ARVCF: variants seen among roughly 807,000 people sequenced by gnomAD.
The protein encoded by ARVCF is splicing regulator ARVCF.
A neutral mutation model predicts 90.9 loss-of-function variants in ARVCF; 66 were observed. That is an observed-to-expected ratio of 0.73 (90% CI 0.60 to 0.89). The LOEUF (loss-of-function observed/expected upper bound fraction) is 0.89, where lower values mean the gene tolerates loss of function less well. ARVCF is among the 40% of genes least tolerant of loss of function. ARVCF has a pLI of 0.00. For missense variants in ARVCF, 1,469 were observed against 1,382.3 expected (o/e 1.06, Z -1.00); for synonymous variants, 653 against 603.4 (o/e 1.08, Z -1.21).
downstream of ARVCF, chr22:19,967,034 A>C: frequency 8.3e-7 from 1 of 1,204,218 alleles, no homozygotes; most frequent in Non-Finnish European, 1.1e-6. Context: ...GTCGGGCGAC[A>C]GGCAGGACAG....
intron 3 of ARVCF, chr22:19,987,200 CCCCG>C: frequency 2.5e-6 from 1 of 397,502 alleles, no homozygotes; most frequent in Non-Finnish European, 4.5e-6. Context: ...CGGACTCGCT[CCCCG>C]CGGGGGCGGA....
In ARVCF at chr22:19,981,321, C is replaced by T. The variant is rs1348522570; in HGVS notation, c.786G>A (p.Glu262=). 6.2e-6 allele frequency: 10 copies of T among 1,602,646 alleles called. No homozygotes were observed. The highest frequency in any genetic ancestry group is 8.5e-6 in the Non-Finnish European group (10 of 1,175,732). ...ERFQAEPYGL[E]DDTRSLAADD... ...CAGCGGCCAGGCTGCGCGTGTCATC[C>T]TCCAAGCCATACGGCTCTGCCTGGA... The change falls in exon 5 of 20, where the codon GAG becomes GAA. Residue 262 remains glutamate, a synonymous_variant. Coordinates refer to ENST00000263207, the MANE Select transcript of ARVCF (RefSeq NM_001670.3).
At chr22:20,005,885 A>T (rs949701659) in intron 2 of ARVCF, among the ~76,000 whole-genome samples, 11 of 152,202 alleles carry the variant, frequency 7.2e-5, no homozygotes, top group Admixed American at 1.3e-4. Context: ...ATAGCCAAAA[A>T]GGGGAAGCAA....
chr22:19,972,021 G>A (rs753076529), intron 17 of ARVCF, 50 bp from the exon 18 acceptor site: 24 of 1,491,094 alleles, frequency 1.6e-5, no homozygotes, highest in Non-Finnish European at 2.2e-5. Context: ...GGGAGGCCCT[G>A]TAGGAGCAGA....
intron 1 of ARVCF, among the ~76,000 whole-genome samples, chr22:20,014,992 T>A (rs1177229323): frequency 1.3e-5 from 2 of 152,068 alleles, no homozygotes; most frequent in African/African-American, 4.8e-5. Context: ...GGGCCACCTC[T>A]GGAGGGAGTG....
intron 11 of ARVCF, among the ~76,000 whole-genome samples, chr22:19,974,561 G>A (rs1276623817): frequency 6.6e-6 from 1 of 152,104 alleles, no homozygotes; most frequent in Non-Finnish European, 1.5e-5. Flanking sequence ...GTAGGTCCCT[G>A]AAGCTATGCA....
chr22:19,987,058 C>A (rs1206411787), intron 3 of ARVCF: 1 of 654,122 alleles, frequency 1.5e-6, no homozygotes, highest in East Asian at 3.3e-5. Flanking sequence ...CCCCCCAAGC[C>A]AACTTCCCTC....
At position 19,974,290 on chromosome 22, in the gene ARVCF, C is replaced by T. The variant is rs557355440; in HGVS notation, c.1961-51G>A. 151 of 1,538,662 alleles carry T rather than the reference C, an allele frequency of 9.8e-5. 2 individuals are homozygous for T. In the South Asian group the frequency reaches 1.7e-3, roughly 17 times the overall value. On this transcript the variant is annotated intron_variant, in intron 11 of 19. Transcript: ENST00000263207. ...CGGTCACCCAGAATCTGCTCTCATC[C>T]ATCATACCCCTCCCGCTTCCCGCTT...
Position 19,981,191 on chromosome 22 carries a change from G to C in ARVCF, c.896+20C>G. On this transcript the variant is annotated intron_variant, in intron 5 of 19. Coordinates refer to ENST00000263207, the MANE Select transcript of ARVCF (RefSeq NM_001670.3). The stretch of plus-strand genomic sequence containing the variant: ...AGACTTCCCAGAGGAGGTAGCCACA[G>C]GGGACGGGGTGCAGCTCACCTGGTA... 1 of 1,501,392 alleles carries C rather than the reference G, an allele frequency of 6.7e-7. No individual in the cohort carries two copies. The highest frequency in any genetic ancestry group is 8.9e-7 in the Non-Finnish European group (1 of 1,121,398). The allele number at this position is 1,501,392 out of a possible 1,614,324, so 93.0% of individuals were successfully genotyped here.
intron 2 of ARVCF, among the ~76,000 whole-genome samples, chr22:20,007,656 G>A (rs921235377): frequency 2.0e-5 from 3 of 152,176 alleles, no homozygotes; most frequent in Admixed American, 6.5e-5. Flanking sequence ...TTGTTATCTC[G>A]GGAGCAGGTT....
chr22:19,991,519 C>A (rs559493581), intron 2 of ARVCF, among the ~76,000 whole-genome samples: 1 of 152,356 alleles, frequency 6.6e-6, no homozygotes, highest in East Asian at 1.9e-4. Context: ...AGTTAAGAGA[C>A]CATAAGCCTG....
chr22:19,976,193 T>G lies in ARVCF; in HGVS notation c.1889-436A>C, dbSNP rs534348613. Among the ~76,000 whole-genome samples, 4 of 152,172 alleles carry G rather than the reference T, an allele frequency of 2.6e-5. No individual in the cohort carries two copies. In the South Asian group the frequency reaches 6.2e-4, roughly 24 times the overall value. ...TAGGGGGAAACTCCCCCAGCTGGGG[T>G]CAGGACATTGTCCCAGGATCTACTA... On this transcript the variant is annotated intron_variant, in intron 10 of 19. Coordinates refer to ENST00000263207, the MANE Select transcript of ARVCF (RefSeq NM_001670.3).
chr22:20,012,079 T>TCCCCCCCC (rs11405277), intron 1 of ARVCF, among the ~76,000 whole-genome samples: 1 of 117,146 alleles, frequency 8.5e-6, no homozygotes, highest in African/African-American at 3.3e-5. Context: ...CCTCCCAAAG[T>TCCCCCCCC]CCCCCCCCCC....
intron 2 of ARVCF, among the ~76,000 whole-genome samples, chr22:19,992,487 T>C (rs1314651348): frequency 2.6e-5 from 4 of 152,152 alleles, no homozygotes; most frequent in Non-Finnish European, 5.9e-5. Flanking sequence ...CAGGGGAGCC[T>C]TGTGCACTAA....
intron 1 of ARVCF, among the ~76,000 whole-genome samples, chr22:20,014,231 A>T (rs549087962): frequency 2.1e-5 from 3 of 139,698 alleles, no homozygotes; most frequent in African/African-American, 8.1e-5. Flanking sequence ...GTCTCGCTCT[A>T]TCACCCAGGC....
rs1349995481 is a variant in ARVCF, at chr22:20,016,588, C to T, written c.-73+1G>A. ...CACCCCGCCCACTGGCTCAGGCTTA[C>T]CTGGAGCGCAGCGTGGGCGGCCCCG... On this transcript the variant is annotated splice_donor_variant, in intron 1 of 19. Transcript: ENST00000263207. LOFTEE classifies it low-confidence loss of function (5UTR_SPLICE). 1 of 151,752 alleles carries T rather than the reference C, an allele frequency of 6.6e-6. No individual in the cohort carries two copies. Among genetic ancestry groups the T allele is most frequent in the Non-Finnish European group, 1.5e-5 (1 of 67,884 alleles). The allele number at this position is 151,752 out of a possible 1,614,324, so 9.4% of individuals were successfully genotyped here.
At chr22:19,973,344 C>T (rs780920381) in intron 13 of ARVCF, 27 bp from the exon 14 acceptor site, 448 of 1,561,264 alleles carry the variant, frequency 2.9e-4, no homozygotes, top group Non-Finnish European at 3.6e-4. Context: ...GGTGTCAGAA[C>T]ACACCTCTGC....
downstream of ARVCF, chr22:19,968,876 T>C (rs1358764279): frequency 1.3e-6 from 1 of 745,504 alleles, no homozygotes; most frequent in Non-Finnish European, 2.3e-6. Flanking sequence ...CGCCCTGACA[T>C]GCTAACCTCT....
downstream of ARVCF, chr22:19,967,046 T>G (rs1601539916): frequency 1.7e-6 from 2 of 1,209,166 alleles, no homozygotes. Flanking sequence ...GCAGGACAGG[T>G]GCTGCCTTCT....
Sources: gnomAD v4.1 joint callset for allele counts (sites outside exome capture counted in the v4.1 genomes callset) on GRCh38, gnomAD v4.1.1 for gene constraint, MANE v1.5 for transcripts, NCBI Gene and HGNC (gene_info 2026-07-23, HGNC 2026-07-21) for gene names.